The following WDR48 variants were observed in gnomAD, a reference collection of about 807,000 sequenced individuals.
WDR48 encodes WD repeat domain 48.
WDR48 carries 22 observed loss-of-function variants against 94.0 expected under a neutral mutation model. The ratio of observed to expected loss-of-function variants is 0.23; its 90% CI spans 0.17 to 0.33. WDR48 has a LOEUF of 0.33. Ranked by LOEUF, WDR48 falls within the 10% of genes least tolerant of loss-of-function variation. WDR48 has a pLI of 1.00. For synonymous variants in WDR48, 278 were observed against 280.5 expected (o/e 0.99, Z 0.09); for missense variants, 541 against 813.8 (o/e 0.66, Z 4.08).
At chr3:39,068,168 T>A (rs902615516) in intron 5 of WDR48, among the ~76,000 whole-genome samples, 1 of 152,218 alleles carries the variant, frequency 6.6e-6, no homozygotes, top group African/African-American at 2.4e-5. Context: ...TAGACATTTT[T>A]CTAAACAGTA....
chr3:39,062,328 C>T (rs965039461), intron 1 of WDR48, among the ~76,000 whole-genome samples: 2 of 152,154 alleles, frequency 1.3e-5, no homozygotes, highest in African/African-American at 2.4e-5. Flanking sequence ...TGCCAGCCAG[C>T]TTATTGACTT....
intron 5 of WDR48, among the ~76,000 whole-genome samples, chr3:39,068,383 C>G (rs2033735835): frequency 6.6e-6 from 1 of 151,882 alleles, no homozygotes. Flanking sequence ...GTACTGTTTT[C>G]TTTTTACAAT....
At chr3:39,087,132 A>G (rs2034848274) in intron 14 of WDR48, among the ~76,000 whole-genome samples, 1 of 152,306 alleles carries the variant, frequency 6.6e-6, no homozygotes, top group African/African-American at 2.4e-5. Flanking sequence ...AGGTTCCACA[A>G]ATGCTATAGG....
At chr3:39,087,170 T>A (rs1195981275) in intron 14 of WDR48, among the ~76,000 whole-genome samples, 1 of 152,150 alleles carries the variant, frequency 6.6e-6, no homozygotes, top group African/African-American at 2.4e-5. Context: ...GCTTCCAGTT[T>A]GATGAGGAAA....
In WDR48 at chr3:39,077,216, A is replaced by G. The variant is rs3732374; in HGVS notation, c.972+3A>G. 0.021 allele frequency: 34,554 copies of G among 1,613,944 alleles called. 1,000 individuals are homozygous for G. Among genetic ancestry groups the G allele is most frequent in the East Asian group, 0.15 (6,530 of 44,854 alleles). On this transcript the variant is annotated splice_donor_region_variant and intron_variant, in intron 9 of 18. Coordinates refer to ENST00000302313, the MANE Select transcript of WDR48 (RefSeq NM_020839.4). The stretch of plus-strand genomic sequence containing the variant: ...CTAAGTCTACAGTAAATAAATGGGT[A>G]AGTGAGCTATTAACCTGGCAAAGGT...
intron 11 of WDR48, among the ~76,000 whole-genome samples, chr3:39,080,926 T>A (rs904066491): frequency 6.6e-6 from 1 of 152,166 alleles, no homozygotes; most frequent in Non-Finnish European, 1.5e-5. Flanking sequence ...GGGTGTAAGA[T>A]TGAAAAATGA....
At position 39,088,208 on chromosome 3, in the gene WDR48, G is replaced by A; in HGVS notation, c.1555G>A (p.Glu519Lys). ...CCCACATACACCCGTGATCTTTGGTGAAGCTGGAGGTCGCACACTGTTCAG... is the reference window on the plus strand; with the variant it reads ...CCCACATACACCCGTGATCTTTGGTAAAGCTGGAGGTCGCACACTGTTCAG... ...VPPHTPVIFG[E>K]AGGRTLFRLL... Residue 519 changes from glutamate to lysine, a missense_variant, in exon 15 of 19, where the codon GAA (glutamate) becomes AAA (lysine). By Grantham distance (56) the Glu-to-Lys change is moderately conservative. This residue lies in a region of WDR48 where 109 missense variants were observed against 195.5 expected (regional missense o/e 0.56). Transcript: ENST00000302313. 1.2e-6 allele frequency: 2 copies of A among 1,614,222 alleles called. No homozygotes were observed. Among genetic ancestry groups the A allele is most frequent in the South Asian group, 1.1e-5 (1 of 91,082 alleles).
Position 39,085,615 on chromosome 3 carries a change from GT to G in WDR48, c.1474+10del. 1 of 1,604,078 alleles carries G rather than the reference GT, an allele frequency of 6.2e-7. No individual in the cohort carries two copies. Among genetic ancestry groups the G allele is most frequent in the Non-Finnish European group, 8.5e-7 (1 of 1,175,674 alleles). The stretch of plus-strand genomic sequence containing the variant: ...AGGAAAATGAAGTAAACCATGGTTA[GT>G]TTTTATATTCAGATAGTTGCATAAA... On this transcript the variant is annotated splice_donor_region_variant and intron_variant, in intron 14 of 18. Coordinates refer to ENST00000302313, the MANE Select transcript of WDR48 (RefSeq NM_020839.4).
At chr3:39,079,923 A>T in intron 11 of WDR48, 115 bp downstream of exon 11, 1 of 527,698 alleles carries the variant, frequency 1.9e-6, no homozygotes, top group Non-Finnish European at 3.2e-6. Context: ...GTAATACTTT[A>T]TGGGGTGGTA....
At chr3:39,066,456 T>C in intron 3 of WDR48, 92 bp from the exon 4 acceptor site, 1 of 1,056,688 alleles carries the variant, frequency 9.5e-7, no homozygotes, top group South Asian at 1.5e-5. Flanking sequence ...GAGAATATGT[T>C]AGTTTGAAAT....
intron 1 of WDR48, among the ~76,000 whole-genome samples, chr3:39,060,477 A>G (rs1045467308): frequency 4.6e-5 from 7 of 151,530 alleles, no homozygotes; most frequent in African/African-American, 1.7e-4. Context: ...TTGTCCATTG[A>G]TGGATATTTG....
rs1364520863 is a variant in WDR48 at position 39,078,118 on chromosome 3, A to T, written c.973-19A>T. On this transcript the variant is annotated intron_variant, in intron 9 of 18. Coordinates refer to ENST00000302313, the MANE Select transcript of WDR48 (RefSeq NM_020839.4). ...TTGTAGAGCATAACATGATCAAATA[A>T]CAAATTTTGTAATTTTAGACTTTGA... 4.4e-6 allele frequency: 7 copies of T among 1,573,182 alleles called. No homozygotes were observed. Among genetic ancestry groups the T allele is most frequent in the Non-Finnish European group, 6.1e-6 (7 of 1,146,944 alleles).
Position 39,079,723 on chromosome 3 carries a change from T to G in WDR48, c.1088T>G (p.Ile363Ser), listed in dbSNP as rs1184919741. The change falls in exon 11 of 19, where the codon ATT becomes AGT. Residue 363 changes from isoleucine (I) to serine (S), a missense_variant. This residue lies in a region of WDR48 where 238 missense variants were observed against 285.3 expected (regional missense o/e 0.83). Transcript: ENST00000302313. The stretch of plus-strand genomic sequence containing the variant: ...TTTTTCCCATTAGGGGGTGCTAGTA[T>G]TATTCAGTGCCACATTCTTAATGAT... ...PDQVIKGGAS[I>S]IQCHILNDKR... The G allele has an allele frequency of 6.4e-7, 1 of 1,551,760 alleles. No homozygotes were observed. Among genetic ancestry groups the G allele is most frequent in the Non-Finnish European group, 8.6e-7 (1 of 1,157,800 alleles).
At chr3:39,094,422 A>C in intron 18 of WDR48, 1 of 1,522,742 alleles carries the variant, frequency 6.6e-7, no homozygotes, top group Non-Finnish European at 8.8e-7. Context: ...CCTCAGAGGA[A>C]TGGCTGAAAG....
chr3:39,074,571 C>G (rs78011480), intron 7 of WDR48, among the ~76,000 whole-genome samples, 155 bp from the exon 8 acceptor site: 1 of 152,160 alleles, frequency 6.6e-6, no homozygotes, highest in African/African-American at 2.4e-5. Context: ...TCACTTTAGC[C>G]TGTGGTGCAT....
At chr3:39,084,335 G>T in intron 12 of WDR48, 73 bp downstream of exon 12, 1 of 1,108,378 alleles carries the variant, frequency 9.0e-7, no homozygotes, top group South Asian at 2.0e-5. Context: ...ATTATTATTA[G>T]TTACAGAGTC....
chr3:39,094,530 T>C, intron 18 of WDR48, 118 bp from the exon 19 acceptor site: 1 of 1,543,902 alleles, frequency 6.5e-7, no homozygotes, highest in Non-Finnish European at 8.7e-7. Flanking sequence ...AAGAATTGGA[T>C]ACCAGGCATA....
chr3:39,065,995 T>C, intron 3 of WDR48, 106 bp downstream of exon 3: 1 of 738,458 alleles, frequency 1.4e-6, no homozygotes, highest in Non-Finnish European at 2.0e-6. Context: ...CACTTCGAGA[T>C]TGCAGTTCAA....
chr3:39,094,253 A>G (rs995669668), intron 18 of WDR48, 187 bp downstream of exon 18: 2 of 1,441,020 alleles, frequency 1.4e-6, no homozygotes, highest in African/African-American at 2.9e-5. Flanking sequence ...GGATACATAG[A>G]CAAATGTGGA....
Sources: allele counts gnomAD v4.1 joint callset (sites outside exome capture counted in the v4.1 genomes callset), GRCh38; gene constraint gnomAD v4.1.1; regional missense constraint gnomAD v4.1.1; transcripts MANE v1.5; gene names NCBI Gene and HGNC (gene_info 2026-07-23, HGNC 2026-07-21).